Variants in MYO5A observed in about 807,000 individuals in gnomAD.
MYO5A encodes unconventional myosin-Va.
MYO5A carries 98 observed loss-of-function variants against 249.7 expected under a neutral mutation model. The observed-to-expected ratio is 0.39, with a 90% CI of 0.33 to 0.46. MYO5A has a LOEUF of 0.46. Among genes scored for constraint, MYO5A ranks in the 20% least tolerant of loss-of-function variants. The pLI is 0.98. For synonymous variants in MYO5A, 778 were observed against 810.6 expected, an observed-to-expected ratio of 0.96 and a Z score of 0.68; for missense variants, 1,696 against 2,308.8, an observed-to-expected ratio of 0.73 and a Z score of 5.44.
chr15:52,522,448 T>C (rs1388010560), intron 1 of MYO5A, among the ~76,000 whole-genome samples: 1 of 152,190 alleles, frequency 6.6e-6, no homozygotes, highest in African/African-American at 2.4e-5. Context: ...CACTGTAGGA[T>C]GGAGGACATG....
At chr15:52,451,637 CA>C (rs1023527376) in intron 1 of MYO5A, among the ~76,000 whole-genome samples, 4 of 152,178 alleles carry the variant, frequency 2.6e-5, no homozygotes, top group Non-Finnish European at 4.4e-5. Flanking sequence ...CACCAAGGGC[CA>C]TCTGCACTAC....
chr15:52,321,589 TCTTC>T, intron 37 of MYO5A, 80 bp from the exon 38 acceptor site: 1 of 1,475,226 alleles, frequency 6.8e-7, no homozygotes, highest in South Asian at 1.1e-5. Flanking sequence ...TTGATCAGCA[TCTTC>T]ATGCTCTTTT....
chr15:52,495,424 C>CA (rs984838781), intron 1 of MYO5A, among the ~76,000 whole-genome samples: 1 of 152,076 alleles, frequency 6.6e-6, no homozygotes, highest in Non-Finnish European at 1.5e-5. Flanking sequence ...AACTACTGGT[C>CA]AAAAAACACA....
intron 34 of MYO5A, among the ~76,000 whole-genome samples, chr15:52,333,371 T>C (rs994031248): frequency 6.6e-6 from 1 of 152,204 alleles, no homozygotes; most frequent in Non-Finnish European, 1.5e-5. Flanking sequence ...GATCTTGATC[T>C]CAAGTTTGAG....
intron 11 of MYO5A, among the ~76,000 whole-genome samples, chr15:52,394,518 G>A (rs1290725212): frequency 6.6e-6 from 1 of 152,158 alleles, no homozygotes; most frequent in African/African-American, 2.4e-5. Context: ...CAGACTAGAA[G>A]GAAAGAACCT....
intron 18 of MYO5A, among the ~76,000 whole-genome samples, chr15:52,379,354 G>A (rs1373126845): frequency 6.6e-6 from 1 of 152,156 alleles, no homozygotes; most frequent in Non-Finnish European, 1.5e-5. Flanking sequence ...TCTTCTAGAT[G>A]TAAGTACTAG....
chr15:52,459,582 C>T (rs1258100601), intron 1 of MYO5A, among the ~76,000 whole-genome samples: 1 of 152,350 alleles, frequency 6.6e-6, no homozygotes, highest in South Asian at 2.1e-4. Context: ...TACACAGACA[C>T]AATAACAATC....
At chr15:52,371,861 C>A (rs1237344629) in intron 21 of MYO5A, among the ~76,000 whole-genome samples, 2 of 148,720 alleles carry the variant, frequency 1.3e-5, no homozygotes, top group South Asian at 2.1e-4. Context: ...CAGAGTGAGA[C>A]CCTGTCTCAA....
In MYO5A at chr15:52,325,687, C is replaced by G. The variant is rs116507319; in HGVS notation, c.4710+2165G>C. On this transcript the variant is annotated intron_variant, in intron 36 of 41. Coordinates refer to ENST00000399233, the MANE Select transcript of MYO5A (RefSeq NM_001382347.1). ...AAAGTGCTGGGATTACAGGTGTGAG[C>G]CACAGCACCCAGCCCACTTTTAAAC... Among the ~76,000 whole-genome samples the G allele has an allele frequency of 3.3e-3, 507 of 152,126 alleles. 2 individuals carry two copies. Among genetic ancestry groups the G allele is most frequent in the African/African-American group, 0.012 (485 of 41,486 alleles).
chr15:52,414,114 G>C (rs1002630535), intron 5 of MYO5A, among the ~76,000 whole-genome samples: 1 of 152,164 alleles, frequency 6.6e-6, no homozygotes, highest in Non-Finnish European at 1.5e-5. Flanking sequence ...CCCTCTGTGA[G>C]ACTGGATTAG....
At chr15:52,388,008 C>A (rs143626249) in intron 13 of MYO5A, 96 bp from the exon 14 acceptor site, 1 of 911,670 alleles carries the variant, frequency 1.1e-6, no homozygotes, top group South Asian at 1.4e-5. Context: ...TCAGGCTATA[C>A]GATCAACTCT....
intron 36 of MYO5A, among the ~76,000 whole-genome samples, chr15:52,325,196 G>C (rs911383217): frequency 2.0e-5 from 3 of 152,156 alleles, no homozygotes; most frequent in Admixed American, 1.3e-4. Context: ...CTATGGGAGA[G>C]TGTCACTAAA....
At chr15:52,439,680 T>C (rs547398720) in intron 1 of MYO5A, among the ~76,000 whole-genome samples, 47 of 152,042 alleles carry the variant, frequency 3.1e-4, no homozygotes, top group African/African-American at 8.9e-4. Context: ...CCAAGCAGGG[T>C]TGAGATGGGG....
Position 52,402,904 on chromosome 15 carries a change from C to G in MYO5A, c.1053+2383G>C, listed in dbSNP as rs143480464. Among the ~76,000 whole-genome samples the G allele has an allele frequency of 4.3e-4, 66 of 152,142 alleles. 1 individual carries two copies. The East Asian group carries it at 7.0e-3, about 16-fold the overall frequency. On this transcript the variant is annotated intron_variant, in intron 9 of 41. Coordinates refer to ENST00000399233, the MANE Select transcript of MYO5A (RefSeq NM_001382347.1). The stretch of plus-strand genomic sequence containing the variant: ...AAAACAAAACAAAAACTAACTTAAT[C>G]TCCACCTACCCCAAATAGTGAAATT...
At chr15:52,499,589 T>C (rs2077112136) in intron 1 of MYO5A, among the ~76,000 whole-genome samples, 1 of 152,242 alleles carries the variant, frequency 6.6e-6, no homozygotes, top group Non-Finnish European at 1.5e-5. Flanking sequence ...ACACAGTATG[T>C]GTCTTTTGTG....
At chr15:52,322,742 G>A (rs996273106) in intron 37 of MYO5A, among the ~76,000 whole-genome samples, 10 of 149,370 alleles carry the variant, frequency 6.7e-5, no homozygotes, top group Admixed American at 6.6e-5. Flanking sequence ...TGGACAAATC[G>A]AAAGACATGA....
chr15:52,414,699 CA>C (rs772984822), intron 5 of MYO5A, among the ~76,000 whole-genome samples: 4 of 152,144 alleles, frequency 2.6e-5, no homozygotes, highest in Non-Finnish European at 4.4e-5. Flanking sequence ...AAGAATTTGT[CA>C]TGACCAAAAC....
chr15:52,430,487 TTAAA>T (rs1337700371), intron 2 of MYO5A, among the ~76,000 whole-genome samples: 1 of 152,244 alleles, frequency 6.6e-6, no homozygotes, highest in Non-Finnish European at 1.5e-5. Context: ...CTGGACATCA[TTAAA>T]TAAATATACT....
chr15:52,512,307 T>C (rs73412972), intron 1 of MYO5A, among the ~76,000 whole-genome samples: 9,847 of 152,216 alleles, frequency 0.065, 963 homozygotes, highest in African/African-American at 0.21. Context: ...ACAAAGGCTT[T>C]GGTTATCTTC....
Sources: gnomAD v4.1 joint callset for allele counts (sites outside exome capture counted in the v4.1 genomes callset) on GRCh38, gnomAD v4.1.1 for gene constraint, MANE v1.5 for transcripts, NCBI Gene and HGNC (gene_info 2026-07-23, HGNC 2026-07-21) for gene names.